The following ERBB4 variants were observed in gnomAD, a reference collection of about 807,000 sequenced individuals.
The protein encoded by ERBB4 is erb-b2 receptor tyrosine kinase 4.
A neutral mutation model predicts 158.0 loss-of-function variants in ERBB4; 42 were observed. The observed-to-expected ratio is 0.27, with a 90% CI of 0.21 to 0.34. The LOEUF (loss-of-function observed/expected upper bound fraction) is 0.34, where lower values mean the gene tolerates loss of function less well. Among genes scored for constraint, ERBB4 ranks in the 10% least tolerant of loss-of-function variants. The probability of loss-of-function intolerance (pLI) is 1.00; values close to 1 mark genes in which losing one functional copy is unlikely to be tolerated. For synonymous variants in ERBB4, 583 were observed against 558.7 expected, an observed-to-expected ratio of 1.04 and a Z score of -0.61; for missense variants, 1,333 against 1,624.1, an observed-to-expected ratio of 0.82 and a Z score of 3.08.
intron 1 of ERBB4, among the ~76,000 whole-genome samples, chr2:212,425,905 T>G (rs2091902529): frequency 6.6e-6 from 1 of 151,984 alleles, no homozygotes; most frequent in Non-Finnish European, 1.5e-5. Flanking sequence ...AAAAATCAAA[T>G]TATTAACATG....
intron 3 of ERBB4, among the ~76,000 whole-genome samples, chr2:211,906,063 G>T (rs1009203472): frequency 2.6e-5 from 4 of 152,002 alleles, no homozygotes; most frequent in African/African-American, 9.7e-5. Flanking sequence ...AACCCAGAGA[G>T]AGATACATTC....
intron 25 of ERBB4, among the ~76,000 whole-genome samples, chr2:211,388,556 GTC>G (rs1361090867): frequency 2.0e-5 from 3 of 151,466 alleles, no homozygotes; most frequent in East Asian, 1.9e-4. Context: ...TTTATCTTCA[GTC>G]TCACATTTTT....
intron 19 of ERBB4, among the ~76,000 whole-genome samples, chr2:211,599,192 A>G (rs1182960197): frequency 6.6e-6 from 1 of 152,144 alleles, no homozygotes; most frequent in East Asian, 1.9e-4. Context: ...AGCTTTAAGA[A>G]AAGTCTTTAA....
intron 3 of ERBB4, among the ~76,000 whole-genome samples, chr2:211,879,973 T>G (rs1373369870): frequency 6.6e-6 from 1 of 150,512 alleles, no homozygotes; most frequent in Non-Finnish European, 1.5e-5. Flanking sequence ...AATATATTAT[T>G]AATATATATT....
intron 1 of ERBB4, among the ~76,000 whole-genome samples, chr2:212,441,129 C>T (rs973202246): frequency 5.3e-5 from 8 of 152,272 alleles, no homozygotes; most frequent in African/African-American, 1.2e-4. Flanking sequence ...CCCTGCATCT[C>T]GGAATGGGCA....
chr2:212,131,187 A>G (rs887428822), intron 1 of ERBB4, among the ~76,000 whole-genome samples: 1 of 152,166 alleles, frequency 6.6e-6, no homozygotes, highest in African/African-American at 2.4e-5. Flanking sequence ...CCACTGCTAT[A>G]GTCATTTAAT....
intron 3 of ERBB4, among the ~76,000 whole-genome samples, chr2:211,932,320 T>C (rs1322465820): frequency 1.3e-5 from 2 of 152,068 alleles, no homozygotes; most frequent in East Asian, 3.8e-4. Context: ...AGAGTGTTTT[T>C]TGGATACAAG....
At chr2:211,642,339 C>T (rs1261482858) in intron 16 of ERBB4, among the ~76,000 whole-genome samples, 3 of 152,148 alleles carry the variant, frequency 2.0e-5, no homozygotes, top group East Asian at 1.9e-4. Context: ...GATCAGTTCC[C>T]TTTTCTTGAA....
intron 19 of ERBB4, among the ~76,000 whole-genome samples, chr2:211,573,699 G>T (rs1049105689): frequency 2.4e-5 from 1 of 41,726 alleles, no homozygotes; most frequent in Non-Finnish European, 4.1e-5. Context: ...TAAAATAATA[G>T]AAAATATTAA....
chr2:212,167,516 A>G (rs139945532), intron 1 of ERBB4, among the ~76,000 whole-genome samples: 275 of 152,226 alleles, frequency 1.8e-3, no homozygotes, highest in African/African-American at 6.2e-3. Flanking sequence ...TCTAACTATT[A>G]TGGAAGACAG....
intron 2 of ERBB4, among the ~76,000 whole-genome samples, chr2:212,032,898 GA>G (rs2076933906): frequency 6.6e-6 from 1 of 151,796 alleles, no homozygotes; most frequent in Non-Finnish European, 1.5e-5. Context: ...TTTTCTCAGA[GA>G]GAAAAGGAGT....
At chr2:212,359,579 G>A (rs752195972) in intron 1 of ERBB4, among the ~76,000 whole-genome samples, 4 of 151,694 alleles carry the variant, frequency 2.6e-5, no homozygotes, top group African/African-American at 7.3e-5. Context: ...GAGACAAGGC[G>A]CTTAAGAGTT....
intron 3 of ERBB4, among the ~76,000 whole-genome samples, chr2:211,859,778 A>C (rs2077966513): frequency 6.6e-6 from 1 of 152,202 alleles, no homozygotes; most frequent in Non-Finnish European, 1.5e-5. Flanking sequence ...CACACATATA[A>C]TTAGTAGGTT....
At chr2:212,192,031 T>TTATA (rs750266150) in intron 1 of ERBB4, among the ~76,000 whole-genome samples, 1 of 47,628 alleles carries the variant, frequency 2.1e-5, no homozygotes, top group Non-Finnish European at 3.6e-5. Context: ...GTTATATATG[T>TTATA]TATATGTTAT....
At chr2:212,197,668 TG>T (rs1285669315) in intron 1 of ERBB4, among the ~76,000 whole-genome samples, 1 of 152,170 alleles carries the variant, frequency 6.6e-6, no homozygotes, top group Non-Finnish European at 1.5e-5. Context: ...CTCCAGATTT[TG>T]TATTGCCTTT....
intron 1 of ERBB4, among the ~76,000 whole-genome samples, chr2:212,382,180 A>T (rs1245124270): frequency 6.7e-6 from 1 of 148,598 alleles, no homozygotes; most frequent in African/African-American, 2.4e-5. Flanking sequence ...ACATGCACAC[A>T]TACATATAAA....
intron 25 of ERBB4, among the ~76,000 whole-genome samples, chr2:211,402,917 T>C (rs1305228765): frequency 6.6e-6 from 1 of 152,026 alleles, no homozygotes; most frequent in African/African-American, 2.4e-5. Flanking sequence ...TCCTACATAT[T>C]TTCTAACCTC....
intron 5 of ERBB4, among the ~76,000 whole-genome samples, chr2:211,747,101 A>T (rs1009050766): frequency 6.6e-6 from 1 of 152,182 alleles, no homozygotes; most frequent in Non-Finnish European, 1.5e-5. Flanking sequence ...TTCAGGTTCA[A>T]GTTTCTAAGT....
intron 4 of ERBB4, among the ~76,000 whole-genome samples, chr2:211,759,970 G>A (rs997302097): frequency 3.6e-4 from 55 of 152,074 alleles, no homozygotes; most frequent in African/African-American, 1.1e-3. Flanking sequence ...TTTACCTTCC[G>A]TCATATAGAC....
Sources: allele counts gnomAD v4.1 joint callset (sites outside exome capture counted in the v4.1 genomes callset), GRCh38; gene constraint gnomAD v4.1.1; transcripts MANE v1.5; gene names NCBI Gene and HGNC (gene_info 2026-07-23, HGNC 2026-07-21).